The following AGBL1 variants were observed in gnomAD, a reference collection of about 807,000 sequenced individuals.
AGBL1 encodes the protein cytosolic carboxypeptidase 4.
A neutral mutation model predicts 118.9 loss-of-function variants in AGBL1; 130 were observed. That is an observed-to-expected ratio of 1.09 (90% CI 0.95 to 1.26). AGBL1 has a LOEUF of 1.26. Ranked by LOEUF, AGBL1 falls within the 50% of genes most tolerant of loss-of-function variation. The pLI is 0.00. For missense variants in AGBL1, 1,584 were observed against 1,298.1 expected (o/e 1.22, Z -3.38); for synonymous variants, 555 against 478.9 (o/e 1.16, Z -2.08).
At chr15:86,247,207 G>T (rs1321901368) in intron 6 of AGBL1, among the ~76,000 whole-genome samples, 1 of 152,142 alleles carries the variant, frequency 6.6e-6, no homozygotes, top group Non-Finnish European at 1.5e-5. Context: ...AAAATTGTTT[G>T]CTGGCCCAAG....
chr15:86,564,175 A>G (rs981547654), intron 21 of AGBL1, among the ~76,000 whole-genome samples: 3 of 152,078 alleles, frequency 2.0e-5, no homozygotes, highest in Non-Finnish European at 2.9e-5. Context: ...CTGTCATTAT[A>G]ATGTTAACTG....
chr15:86,871,238 C>A (rs17702916), intron 22 of AGBL1, among the ~76,000 whole-genome samples: 34,754 of 152,096 alleles, frequency 0.23, 4,138 homozygotes, highest in Admixed American at 0.29. Flanking sequence ...CTAGAGACAT[C>A]CATCTGTCAG....
chr15:86,674,562 T>G lies in AGBL1; in HGVS notation c.3158+126T>G, dbSNP rs1023406273. ...GAGAAAATATGGAAGAATTCCCAAGTAAAGGTAGGTACACTATCTCGTTTC... is the reference window on the plus strand; with the variant it reads ...GAGAAAATATGGAAGAATTCCCAAGGAAAGGTAGGTACACTATCTCGTTTC... On this transcript the variant is annotated intron_variant, in intron 22 of 22. Transcript: ENST00000614907. The G allele has an allele frequency of 4.3e-5, 41 of 953,768 alleles. No individual in the cohort carries two copies. The South Asian group carries it at 8.2e-4, about 19-fold the overall frequency. 59.1% of individuals were successfully genotyped at this position (953,768 alleles called of 1,614,324 possible). A position where few individuals can be genotyped will look rare whatever the true frequency, so the allele number is the denominator to read the frequency against.
rs951848374 is a variant in AGBL1, at chr15:86,898,728, G to A, written c.3159-8359G>A. Among the ~76,000 whole-genome samples the A allele has an allele frequency of 3.3e-5, 5 of 151,936 alleles. No individual in the cohort carries two copies. The South Asian group carries it at 1.0e-3, about 32-fold the overall frequency. On this transcript the variant is annotated intron_variant, in intron 22 of 22. Transcript: ENST00000614907. ...ACAACCCTATTAAAAATGGGCAAAGGACGTGAACAGATACTTTTCAAAAGA... is the reference window on the plus strand; with the variant it reads ...ACAACCCTATTAAAAATGGGCAAAGAACGTGAACAGATACTTTTCAAAAGA...
intron 18 of AGBL1, among the ~76,000 whole-genome samples, chr15:86,429,739 T>C (rs1320015290): frequency 6.6e-6 from 1 of 152,272 alleles, no homozygotes; most frequent in African/African-American, 2.4e-5. Context: ...TTGCAGGACA[T>C]ATTGTATGTG....
chr15:86,407,424 G>T (rs1455460526), intron 18 of AGBL1, among the ~76,000 whole-genome samples: 1 of 152,108 alleles, frequency 6.6e-6, no homozygotes, highest in African/African-American at 2.4e-5. Flanking sequence ...CCTCTTGAGT[G>T]TTTCCAGCAT....
In AGBL1 at chr15:86,522,801, T is replaced by C; in HGVS notation, c.2556-9T>C. ...TGTGTATTTATTTGCTTATTATTTG[T>C]TCCTGTAGCCACAGATGCTCACTGA... On this transcript the variant is annotated splice_polypyrimidine_tract_variant and intron_variant, in intron 18 of 22. Transcript: ENST00000614907. 2 of 1,613,316 alleles carry C rather than the reference T, an allele frequency of 1.2e-6. No homozygotes were observed. Among genetic ancestry groups the C allele is most frequent in the Non-Finnish European group, 1.7e-6 (2 of 1,179,404 alleles).
At chr15:86,420,591 C>A (rs2081774206) in intron 18 of AGBL1, among the ~76,000 whole-genome samples, 2 of 152,144 alleles carry the variant, frequency 1.3e-5, no homozygotes. Flanking sequence ...AGCAAGGGAA[C>A]AAAACTGGAT....
At chr15:86,965,045 G>T (rs1235693079) in intron 23 of AGBL1, among the ~76,000 whole-genome samples, 1 of 151,854 alleles carries the variant, frequency 6.6e-6, no homozygotes, top group African/African-American at 2.4e-5. Context: ...TGGGCATTTG[G>T]GTTGTTTCCA....
At chr15:86,470,508 T>C (rs955020514) in intron 18 of AGBL1, among the ~76,000 whole-genome samples, 4 of 152,192 alleles carry the variant, frequency 2.6e-5, no homozygotes, top group Non-Finnish European at 5.9e-5. Flanking sequence ...TCAAGATTGT[T>C]TTGACCAGTC....
chr15:86,247,929 CCTGAAGG>C (rs1567153530), intron 7 of AGBL1, 50 bp downstream of exon 7: 1 of 1,587,756 alleles, frequency 6.3e-7, no homozygotes. Flanking sequence ...CTGGGTGATT[CCTGAAGG>C]CTGTCATTTA....
At chr15:86,208,869 AT>A (rs1205154528) in intron 5 of AGBL1, among the ~76,000 whole-genome samples, 1 of 151,930 alleles carries the variant, frequency 6.6e-6, no homozygotes, top group African/African-American at 2.4e-5. Context: ...TAGCTTTTGA[AT>A]TTGTTTGCTC....
At chr15:86,819,751 C>A (rs1224306926) in intron 22 of AGBL1, among the ~76,000 whole-genome samples, 1 of 152,150 alleles carries the variant, frequency 6.6e-6, no homozygotes, top group East Asian at 1.9e-4. Flanking sequence ...CTATCCCCAT[C>A]AACTACCATT....
At chr15:86,249,060 C>G (rs1301739107) in intron 7 of AGBL1, among the ~76,000 whole-genome samples, 1 of 152,174 alleles carries the variant, frequency 6.6e-6, no homozygotes, top group Non-Finnish European at 1.5e-5. Context: ...GGATTTCAAC[C>G]TAAATAAATT....
At chr15:86,729,767 T>A (rs950931389) in intron 22 of AGBL1, among the ~76,000 whole-genome samples, 1 of 152,186 alleles carries the variant, frequency 6.6e-6, no homozygotes, top group Non-Finnish European at 1.5e-5. Context: ...ATAGAATGAT[T>A]TATTTTCCTT....
intron 17 of AGBL1, among the ~76,000 whole-genome samples, chr15:86,332,697 A>G (rs1876789718): frequency 6.6e-6 from 1 of 151,726 alleles, no homozygotes; most frequent in Non-Finnish European, 1.5e-5. Context: ...CACATTACCA[A>G]TTGGACCTCA....
At chr15:87,014,824 C>G (rs78885478) in intron 24 of AGBL1, among the ~76,000 whole-genome samples, 4,308 of 152,208 alleles carry the variant, frequency 0.028, 86 homozygotes, top group Middle Eastern at 0.058. Context: ...TAGAAGATTG[C>G]TTAAAGAAAC....
At chr15:86,425,302 C>T (rs896903158) in intron 18 of AGBL1, among the ~76,000 whole-genome samples, 6 of 151,774 alleles carry the variant, frequency 4.0e-5, no homozygotes, top group African/African-American at 1.5e-4. Context: ...AAAAACCAAA[C>T]ACCACATGTT....
At chr15:86,765,751 T>C (rs2078088987) in intron 22 of AGBL1, among the ~76,000 whole-genome samples, 1 of 151,432 alleles carries the variant, frequency 6.6e-6, no homozygotes, top group African/African-American at 2.4e-5. Flanking sequence ...GATGTTATCT[T>C]ATTGGAGTAT....
Sources: gnomAD v4.1 joint callset for allele counts (sites outside exome capture counted in the v4.1 genomes callset) on GRCh38, gnomAD v4.1.1 for gene constraint, MANE v1.5 for transcripts, NCBI Gene and HGNC (gene_info 2026-07-23, HGNC 2026-07-21) for gene names.